ANKDD1A: variants seen among roughly 807,000 people sequenced by gnomAD.
ANKDD1A encodes the protein ankyrin repeat and death domain-containing protein 1A.
Under a neutral mutation model 63.5 loss-of-function variants are expected in ANKDD1A, and 59 were observed. The ratio of observed to expected loss-of-function variants is 0.93; its 90% CI spans 0.75 to 1.15. ANKDD1A has a LOEUF of 1.15. ANKDD1A is among the 50% of genes most tolerant of loss of function. ANKDD1A has a pLI of 0.00. For missense variants in ANKDD1A, 632 were observed against 656.4 expected, an observed-to-expected ratio of 0.96 and a Z score of 0.41; for synonymous variants, 266 against 263.9, an observed-to-expected ratio of 1.01 and a Z score of -0.08.
intron 14 of ANKDD1A, among the ~76,000 whole-genome samples, chr15:64,952,801 T>C (rs1595859600): frequency 2.1e-5 from 3 of 144,846 alleles, no homozygotes; most frequent in Non-Finnish European, 3.0e-5. Context: ...CTTCTTTTCT[T>C]CTCCTTCTCC....
intron 2 of ANKDD1A, 73 bp from the exon 3 acceptor site, chr15:64,917,313 G>A: frequency 6.6e-7 from 1 of 1,509,160 alleles, no homozygotes; most frequent in Non-Finnish European, 8.9e-7. Flanking sequence ...GCTGTCCTGG[G>A]GGAGGGTGTG....
chr15:64,929,362 C>T (rs755816064), intron 6 of ANKDD1A, among the ~76,000 whole-genome samples: 8 of 152,018 alleles, frequency 5.3e-5, no homozygotes, highest in Non-Finnish European at 7.4e-5. Flanking sequence ...TTTGTAGAGA[C>T]GGAGTCTTAC....
intron 10 of ANKDD1A, among the ~76,000 whole-genome samples, chr15:64,942,999 G>T (rs2085196352): frequency 6.6e-6 from 1 of 152,120 alleles, no homozygotes; most frequent in African/African-American, 2.4e-5. Flanking sequence ...ACCAGCAAGG[G>T]CATGGCTCAC....
At chr15:64,922,158 C>T in intron 4 of ANKDD1A, 139 bp downstream of exon 4, 1 of 656,634 alleles carries the variant, frequency 1.5e-6, no homozygotes, top group Non-Finnish European at 2.6e-6. Flanking sequence ...TTCATCTGAT[C>T]TCCCCCACCT....
At position 64,921,996 on chromosome 15, in the gene ANKDD1A, G is replaced by A. The variant is rs759977930; in HGVS notation, c.343G>A (p.Ala115Thr). Reference sequence around the variant, plus strand: ...CCTCCAGATCTTGGTAAACTCAGGGGCCAAGATCCACTGTGAGAGCAAGGT... The same window carrying A: ...CCTCCAGATCTTGGTAAACTCAGGGACCAAGATCCACTGTGAGAGCAAGGT... ...RILQILVNSG[A>T]KIHCESKDGL... The change falls in exon 4 of 15, where the codon GCC becomes ACC. Residue 115 changes from alanine to threonine, a missense_variant. Ala to Thr is a moderately conservative substitution (Grantham distance 58). Transcript: ENST00000319580. The A allele has an allele frequency of 6.2e-6, 10 of 1,614,122 alleles. 1 individual carries two copies. In the South Asian group the frequency reaches 8.8e-5, roughly 14 times the overall value.
Position 64,947,566 on chromosome 15 carries a change from G to A in ANKDD1A, c.1324G>A (p.Val442Ile). 6.2e-7 allele frequency: 1 copy of A among 1,614,142 alleles called. No homozygotes were observed. The highest frequency in any genetic ancestry group is 8.5e-7 in the Non-Finnish European group (1 of 1,180,012). Residue 442 changes from valine to isoleucine, a missense_variant, in exon 13 of 15, where the codon GTC becomes ATC. Coordinates refer to ENST00000319580, the MANE Select transcript of ANKDD1A (RefSeq NM_182703.6). ...AYSWEFTEAH[V>I]DAIEQQWTGT... ...TTCCTGGGAGTTCACGGAGGCACATGTCGACGCCATCGAGCAACAGTGGAC... is the reference window on the plus strand; with the variant it reads ...TTCCTGGGAGTTCACGGAGGCACATATCGACGCCATCGAGCAACAGTGGAC...
rs1251570687 is a variant in ANKDD1A at position 64,947,499 on chromosome 15, C to T, written c.1257C>T (p.Ala419=). 1.2e-6 allele frequency: 2 copies of T among 1,613,856 alleles called. No individual in the cohort carries two copies. The highest frequency in any genetic ancestry group is 2.2e-5 in the South Asian group (2 of 91,032). The part of the protein sequence containing the change: ...QQLRSVLWRL[A]SRYLQPREWK... ...TCCGTTCTGTGCTGTGGCGGCTGGC[C>T]TCCAGGTATCTGCAGCCCCGTGAGT... is the stretch of plus-strand genomic sequence containing the variant. The change falls in exon 13 of 15, where the codon GCC becomes GCT. Residue 419 remains alanine, a synonymous_variant. Transcript: ENST00000319580.
At chr15:64,955,414 T>C (rs998433744) in intron 14 of ANKDD1A, among the ~76,000 whole-genome samples, 1 of 152,148 alleles carries the variant, frequency 6.6e-6, no homozygotes, top group African/African-American at 2.4e-5. Flanking sequence ...AATTTCTTAT[T>C]TCTCATTATT....
chr15:64,915,463 C>T (rs944224526), intron 1 of ANKDD1A, among the ~76,000 whole-genome samples: 2 of 152,182 alleles, frequency 1.3e-5, no homozygotes, highest in Non-Finnish European at 2.9e-5. Context: ...AATTTCATTT[C>T]CTTCCCCAAG....
At chr15:64,925,552 T>G (rs1418286717) in intron 4 of ANKDD1A, among the ~76,000 whole-genome samples, 1 of 152,146 alleles carries the variant, frequency 6.6e-6, no homozygotes, top group Non-Finnish European at 1.5e-5. Flanking sequence ...GGAGGTCACT[T>G]CCTAGTGACA....
At chr15:64,952,586 TTC>T (rs921987930) in intron 14 of ANKDD1A, among the ~76,000 whole-genome samples, 6 of 98,016 alleles carry the variant, frequency 6.1e-5, no homozygotes, top group Admixed American at 1.2e-4. Context: ...CCTTCTTTTC[TTC>T]TTCTTCCTTC....
intron 5 of ANKDD1A, 57 bp downstream of exon 5, chr15:64,926,227 A>T: frequency 6.7e-7 from 1 of 1,492,536 alleles, no homozygotes; most frequent in Non-Finnish European, 9.2e-7. Context: ...TCCTGGGGCC[A>T]CTCTTGCACA....
At chr15:64,926,204 T>A in intron 5 of ANKDD1A, 34 bp downstream of exon 5, 7 of 1,600,570 alleles carry the variant, frequency 4.4e-6, no homozygotes, top group Non-Finnish European at 6.0e-6. Context: ...ATCATTCCCA[T>A]TGGGCGGGGG....
intron 9 of ANKDD1A, among the ~76,000 whole-genome samples, chr15:64,939,037 ACAT>A (rs2085159175): frequency 6.6e-6 from 1 of 152,162 alleles, no homozygotes; most frequent in African/African-American, 2.4e-5. Context: ...TATGACAAAA[ACAT>A]CATACTAATT....
chr15:64,915,823 G>T lies in ANKDD1A; in HGVS notation c.61G>T (p.Glu21Ter). 8 of 1,614,010 alleles carry T rather than the reference G, an allele frequency of 5.0e-6. No homozygotes were observed. Among genetic ancestry groups the T allele is most frequent in the Non-Finnish European group, 6.8e-6 (8 of 1,179,966 alleles). ...GCTTCCTCTGGAGAGGCAGCTCCAC[G>T]AGGCCGCCCGCCAGAACAATGTCGG... ...GLLPLERQLH[E>*]AARQNNVGRM... The change falls in exon 2 of 15, where the codon GAG becomes TAG. Residue 21 changes from glutamate to a stop codon, truncating the protein, a stop_gained. Transcript: ENST00000319580. LOFTEE classifies it high-confidence loss of function.
chr15:64,935,864 G>A (rs2085127694), intron 9 of ANKDD1A, among the ~76,000 whole-genome samples: 1 of 151,920 alleles, frequency 6.6e-6, no homozygotes, highest in African/African-American at 2.4e-5. Flanking sequence ...AAAAGTAGTG[G>A]GAGTTTCAAA....
At chr15:64,939,203 G>A (rs1266382001) in intron 9 of ANKDD1A, among the ~76,000 whole-genome samples, 1 of 152,134 alleles carries the variant, frequency 6.6e-6, no homozygotes. Context: ...GGAGGCTGAA[G>A]TAGAAGGATT....
At chr15:64,926,031 A>G (rs2140369090) in intron 4 of ANKDD1A, 35 bp from the exon 5 acceptor site, 3 of 1,590,992 alleles carry the variant, frequency 1.9e-6, no homozygotes, top group East Asian at 2.3e-5. Context: ...GCCTCCCTTC[A>G]CAGACTGCAG....
intron 14 of ANKDD1A, among the ~76,000 whole-genome samples, chr15:64,956,711 A>G (rs1255349871): frequency 6.6e-6 from 1 of 152,078 alleles, no homozygotes; most frequent in Non-Finnish European, 1.5e-5. Flanking sequence ...ACACACCATC[A>G]TGCCCGGCTA....
Sources: gnomAD v4.1 joint callset for allele counts (sites outside exome capture counted in the v4.1 genomes callset) on GRCh38, gnomAD v4.1.1 for gene constraint, MANE v1.5 for transcripts, NCBI Gene and HGNC (gene_info 2026-07-23, HGNC 2026-07-21) for gene names.